RNF170: variants seen among roughly 807,000 people sequenced by gnomAD.
RNF170 encodes the protein E3 ubiquitin-protein ligase RNF170.
A neutral mutation model predicts 32.7 loss-of-function variants in RNF170; 12 were observed. The observed-to-expected ratio is 0.37, with a 90% CI of 0.24 to 0.60. The LOEUF (loss-of-function observed/expected upper bound fraction) is 0.60, where lower values mean the gene tolerates loss of function less well. Among genes scored for constraint, RNF170 ranks in the 20% least tolerant of loss-of-function variants. The pLI, the probability that RNF170 is intolerant of heterozygous loss-of-function variation, is 0.72. For synonymous variants in RNF170, 91 were observed against 103.6 expected, an observed-to-expected ratio of 0.88 and a Z score of 0.74; for missense variants, 212 against 311.2, an observed-to-expected ratio of 0.68 and a Z score of 2.40.
At chr8:42,872,604 G>A (rs372580096) in intron 3 of RNF170, among the ~76,000 whole-genome samples, 3 of 151,512 alleles carry the variant, frequency 2.0e-5, no homozygotes, top group East Asian at 2.0e-4. Flanking sequence ...CACCATGCCC[G>A]GCCAATTTTT....
At chr8:42,877,158 C>T (rs918782136) in intron 2 of RNF170, among the ~76,000 whole-genome samples, 38 of 151,906 alleles carry the variant, frequency 2.5e-4, no homozygotes, top group South Asian at 1.5e-3. Flanking sequence ...GATCTCCTGA[C>T]CTCGTGATCC....
chr8:42,886,041 G>A (rs1218193818), intron 2 of RNF170, among the ~76,000 whole-genome samples: 1 of 152,056 alleles, frequency 6.6e-6, no homozygotes, highest in Non-Finnish European at 1.5e-5. Context: ...TGGCTAACAC[G>A]GTGAAACCCC....
intron 6 of RNF170, among the ~76,000 whole-genome samples, chr8:42,860,953 G>A (rs528230709): frequency 1.3e-5 from 2 of 151,054 alleles, no homozygotes; most frequent in East Asian, 3.9e-4. Flanking sequence ...GCTGACCTCA[G>A]GTGATCCACC....
intron 4 of RNF170, among the ~76,000 whole-genome samples, chr8:42,867,755 G>C (rs1172723204): frequency 1.9e-5 from 2 of 106,968 alleles, no homozygotes; most frequent in Non-Finnish European, 3.4e-5. Context: ...CAGCCTGGGC[G>C]ACAGAGCAAG....
intron 2 of RNF170, among the ~76,000 whole-genome samples, chr8:42,880,556 GGTCA>G (rs1243687941): frequency 6.6e-6 from 1 of 152,152 alleles, no homozygotes; most frequent in African/African-American, 2.4e-5. Flanking sequence ...CGGATCATGA[GGTCA>G]GGAGTTCAAG....
At position 42,887,870 on chromosome 8, in the gene RNF170, G is replaced by C. The variant is rs771533808; in HGVS notation, c.-6C>G. 3.7e-6 allele frequency: 6 copies of C among 1,612,828 alleles called. No individual in the cohort carries two copies. Among genetic ancestry groups the C allele is most frequent in the South Asian group, 2.2e-5 (2 of 91,056 alleles). On this transcript the variant is annotated splice_region_variant and 5_prime_UTR_variant, in exon 2 of 7. Transcript: ENST00000527424. ...TCACCTTGATATTTGGCCATTCCAG[G>C]TCTAAAATAAGAAGAAACAAGATGA... is the stretch of plus-strand genomic sequence containing the variant.
upstream of RNF170, chr8:42,897,019 C>A: frequency 2.7e-6 from 2 of 749,994 alleles, no homozygotes; most frequent in Non-Finnish European, 3.7e-6. Flanking sequence ...CGGCCGGATC[C>A]GAGGAGCAGG....
At chr8:42,886,036 A>G (rs1192138945) in intron 2 of RNF170, among the ~76,000 whole-genome samples, 1 of 152,154 alleles carries the variant, frequency 6.6e-6, no homozygotes, top group Non-Finnish European at 1.5e-5. Context: ...CATCCTGGCT[A>G]ACACGGTGAA....
chr8:42,871,401 T>C (rs1052557765), intron 3 of RNF170, among the ~76,000 whole-genome samples: 1 of 152,048 alleles, frequency 6.6e-6, no homozygotes, highest in Non-Finnish European at 1.5e-5. Context: ...TCAATATTCA[T>C]AAACAAATTT....
upstream of RNF170, chr8:42,896,993 G>A: frequency 1.9e-6 from 1 of 520,684 alleles, no homozygotes; most frequent in Non-Finnish European, 3.0e-6. Context: ...CGCTGCCAGC[G>A]CTGGGCGAGA....
intron 5 of RNF170, among the ~76,000 whole-genome samples, chr8:42,863,239 C>G (rs1477436881): frequency 6.6e-6 from 1 of 152,068 alleles, no homozygotes; most frequent in Non-Finnish European, 1.5e-5. Flanking sequence ...TTATCTCGAC[C>G]TTCTGAGCCT....
chr8:42,897,122 GGC>G (rs752769156), upstream of RNF170: 10 of 1,244,848 alleles, frequency 8.0e-6, no homozygotes, highest in Middle Eastern at 2.1e-4. Context: ...GCCTGGCCGC[GGC>G]GGGGAAGATG....
At chr8:42,864,472 C>G (rs1216225303) in intron 5 of RNF170, among the ~76,000 whole-genome samples, 1 of 151,896 alleles carries the variant, frequency 6.6e-6, no homozygotes, top group Non-Finnish European at 1.5e-5. Context: ...GACACAATGT[C>G]CTATTTTGTC....
intron 2 of RNF170, among the ~76,000 whole-genome samples, chr8:42,884,447 G>C (rs2128949250): frequency 6.6e-6 from 1 of 151,930 alleles, no homozygotes; most frequent in East Asian, 1.9e-4. Context: ...ACAAGACCAA[G>C]CCCTCATCAC....
chr8:42,888,840 C>A (rs944984723), intron 1 of RNF170, among the ~76,000 whole-genome samples: 4 of 145,256 alleles, frequency 2.8e-5, no homozygotes, highest in African/African-American at 1.0e-4. Context: ...TCTTCTTATT[C>A]CTGAATACCA....
At chr8:42,877,509 G>T (rs1400879622) in intron 2 of RNF170, among the ~76,000 whole-genome samples, 1 of 152,164 alleles carries the variant, frequency 6.6e-6, no homozygotes, top group Non-Finnish European at 1.5e-5. Context: ...AAGCCAAACT[G>T]ATTGAGACAA....
At position 42,854,851 on chromosome 8, in the gene RNF170, C is replaced by T. The variant is rs4336605; in HGVS notation, c.*1308G>A. ...CCAGTACCATGTGGTACTGAGTCTT[C>T]TCAGATACATTCACTTGTTTGGCTC... On this transcript the variant is annotated 3_prime_UTR_variant, in exon 7 of 7. Coordinates refer to ENST00000527424, the MANE Select transcript of RNF170 (RefSeq NM_030954.4). 7.8e-7 allele frequency: 1 copy of T among 1,287,170 alleles called. No homozygotes were observed. The highest frequency in any genetic ancestry group is 1.0e-6 in the Non-Finnish European group (1 of 988,714). The allele number at this position is 1,287,170 out of a possible 1,614,324, so 79.7% of individuals were successfully genotyped here. A position where few individuals can be genotyped will look rare whatever the true frequency, so the allele number is the denominator to read the frequency against.
intron 6 of RNF170, among the ~76,000 whole-genome samples, chr8:42,859,519 T>C (rs1302841308): frequency 5.9e-5 from 9 of 152,124 alleles, no homozygotes; most frequent in Non-Finnish European, 1.3e-4. Context: ...CCCAGCTACT[T>C]GGGAGGCTGA....
In RNF170 at chr8:42,856,086, C is replaced by T; in HGVS notation, c.*73G>A. 6.2e-7 allele frequency: 1 copy of T among 1,603,232 alleles called. No individual in the cohort carries two copies. On this transcript the variant is annotated 3_prime_UTR_variant, in exon 7 of 7. Transcript: ENST00000527424. ...TACTCCATTGCTTCATTGCTTTATA[C>T]TGCCATGGGTCCTTCTGTTTGATGT...
Sources: gnomAD v4.1 joint callset for allele counts (sites outside exome capture counted in the v4.1 genomes callset) on GRCh38, gnomAD v4.1.1 for gene constraint, MANE v1.5 for transcripts, NCBI Gene and HGNC (gene_info 2026-07-23, HGNC 2026-07-21) for gene names.